Variants in SND1 observed in about 807,000 individuals in gnomAD.
SND1 encodes staphylococcal nuclease and tudor domain containing 1.
Under a neutral mutation model 121.7 loss-of-function variants are expected in SND1, and 38 were observed. The observed-to-expected ratio is 0.31, with a 90% confidence interval of 0.24 to 0.41. The LOEUF (loss-of-function observed/expected upper bound fraction) is 0.41. Among genes scored for constraint, SND1 ranks in the 10% least tolerant of loss-of-function variants. The probability of loss-of-function intolerance (pLI) is 1.00; values close to 1 mark genes in which losing one functional copy is unlikely to be tolerated. For missense variants in SND1, 868 were observed against 1,184.6 expected (o/e 0.73, Z 3.92); for synonymous variants, 401 against 447.4 (o/e 0.90, Z 1.31).
intron 11 of SND1, among the ~76,000 whole-genome samples, chr7:127,817,780 G>C (rs1798472525): frequency 8.9e-6 from 1 of 112,114 alleles, no homozygotes; most frequent in Admixed American, 1.3e-4. Flanking sequence ...CTGTATTCCT[G>C]GTTCCCCATG....
chr7:127,672,988 GGT>G (rs1252496566), intron 1 of SND1, among the ~76,000 whole-genome samples: 2 of 151,764 alleles, frequency 1.3e-5, no homozygotes, highest in African/African-American at 4.8e-5. Context: ...TGATTAAGAT[GGT>G]GTCTGTCAGG....
chr7:128,055,287 A>C (rs1584764605), intron 16 of SND1, among the ~76,000 whole-genome samples: 1 of 152,230 alleles, frequency 6.6e-6, no homozygotes, highest in East Asian at 1.9e-4. Context: ...ATGGGTTCCC[A>C]TGTTCTTGTC....
intron 12 of SND1, among the ~76,000 whole-genome samples, chr7:127,873,296 G>A (rs1020545987): frequency 3.9e-5 from 6 of 152,106 alleles, no homozygotes; most frequent in Non-Finnish European, 7.4e-5. Flanking sequence ...GTGGTGAGGT[G>A]ACAGAGTAAG....
In SND1 at chr7:128,015,200, T is replaced by G. The variant is rs1803199997; in HGVS notation, c.1779+24144T>G. On this transcript the variant is annotated intron_variant, in intron 16 of 23. Transcript: ENST00000354725. The surrounding 1 kb of genome is among the most constrained non-coding windows in gnomAD (Gnocchi z 4.5). ...CTCCCATCCCCTCTCCTGCCCTGCT[T>G]TCCCAAGATGAAGGGGCTGGGTCAG... is the stretch of plus-strand genomic sequence containing the variant. Among the ~76,000 whole-genome samples, 1 of 152,166 alleles carries G rather than the reference T, an allele frequency of 6.6e-6. No individual in the cohort carries two copies. Among genetic ancestry groups the G allele is most frequent in the Non-Finnish European group, 1.5e-5 (1 of 68,020 alleles).
At chr7:128,040,483 TAA>T (rs754875856) in intron 16 of SND1, among the ~76,000 whole-genome samples, 7 of 80,724 alleles carry the variant, frequency 8.7e-5, no homozygotes, top group Admixed American at 2.4e-4. Flanking sequence ...GTTTGACACC[TAA>T]AAAAAAAAAA....
At chr7:127,970,613 G>A (rs1372860269) in intron 15 of SND1, among the ~76,000 whole-genome samples, 1 of 152,016 alleles carries the variant, frequency 6.6e-6, no homozygotes, top group African/African-American at 2.4e-5. Context: ...ATATTTTCTA[G>A]GTCCTTTATA....
chr7:128,077,933 A>G (rs1048443962), intron 17 of SND1, among the ~76,000 whole-genome samples: 3 of 152,216 alleles, frequency 2.0e-5, no homozygotes, highest in Admixed American at 2.0e-4. Context: ...TTTCTTCTGG[A>G]GTTTTCCTTG....
chr7:127,808,990 A>G (rs1478241768), intron 11 of SND1, among the ~76,000 whole-genome samples: 2 of 152,206 alleles, frequency 1.3e-5, no homozygotes, highest in East Asian at 1.9e-4. Context: ...TGTGGCGTGT[A>G]TTATGGCATC....
In SND1 at chr7:127,926,793, G is replaced by C. The variant is rs570188506; in HGVS notation, c.1528-2395G>C. Among the ~76,000 whole-genome samples, 135 of 151,062 alleles carry C rather than the reference G, an allele frequency of 8.9e-4. No homozygotes were observed. In the East Asian group the frequency reaches 0.011, roughly 12 times the overall value. On this transcript the variant is annotated intron_variant, in intron 14 of 23. Transcript: ENST00000354725. ...CTTTTAGTAGAGACGGGGTTTCACC[G>C]TGTTAGCCAGGATACTCTCGATCTC... is the stretch of plus-strand genomic sequence containing the variant.
At chr7:128,053,919 T>C (rs1418873752) in intron 16 of SND1, among the ~76,000 whole-genome samples, 1 of 152,112 alleles carries the variant, frequency 6.6e-6, no homozygotes, top group Non-Finnish European at 1.5e-5. Flanking sequence ...CAGTCAAAGC[T>C]TTATTGCCCA....
chr7:127,819,983 G>A (rs1032708050), intron 11 of SND1, among the ~76,000 whole-genome samples: 1 of 152,082 alleles, frequency 6.6e-6, no homozygotes, highest in Non-Finnish European at 1.5e-5. Flanking sequence ...CTGTTTCTGT[G>A]CAGTGACTTT....
chr7:127,826,784 A>G (rs905109804), intron 11 of SND1, among the ~76,000 whole-genome samples: 1 of 152,210 alleles, frequency 6.6e-6, no homozygotes, highest in Non-Finnish European at 1.5e-5. Flanking sequence ...ACGTGCTTTT[A>G]TATAGATCAG....
At chr7:127,774,396 A>G (rs184601063) in intron 10 of SND1, among the ~76,000 whole-genome samples, 11 of 152,304 alleles carry the variant, frequency 7.2e-5, no homozygotes. Flanking sequence ...TTAAAAACCA[A>G]TATAGTGTAG....
rs537320665 is a variant in SND1 at position 127,759,995 on chromosome 7, C to G, written c.1152+38595C>G. 1.0e-3 allele frequency among the ~76,000 whole-genome samples: 157 copies of G among 152,320 alleles called. 1 individual carries two copies. The highest frequency in any genetic ancestry group is 3.5e-3 in the African/African-American group (145 of 41,570). ...TTCCTTCTCTCCCCAGGTGGGCAAC[C>G]TGCTCGACATACTTGGGCTCTTGTC... On this transcript the variant is annotated intron_variant, in intron 10 of 23. Transcript: ENST00000354725.
At chr7:127,997,252 A>C (rs1276489613) in intron 16 of SND1, among the ~76,000 whole-genome samples, 3 of 152,206 alleles carry the variant, frequency 2.0e-5, no homozygotes, top group African/African-American at 7.2e-5. Context: ...TTTAGAAGGC[A>C]ATAATTCTTT....
intron 1 of SND1, among the ~76,000 whole-genome samples, chr7:127,663,023 T>C (rs1795345883): frequency 6.6e-6 from 1 of 151,600 alleles, no homozygotes; most frequent in Non-Finnish European, 1.5e-5. Flanking sequence ...GCTGAGTAGC[T>C]GGGACTACAG....
chr7:127,755,491 G>A (rs1223794018), intron 10 of SND1, among the ~76,000 whole-genome samples: 1 of 152,190 alleles, frequency 6.6e-6, no homozygotes, highest in Admixed American at 6.5e-5. Flanking sequence ...GCCAAACTGA[G>A]GACTTGAAAA....
At chr7:128,076,433 T>C (rs1171049986) in intron 17 of SND1, among the ~76,000 whole-genome samples, 2 of 152,168 alleles carry the variant, frequency 1.3e-5, no homozygotes, top group African/African-American at 4.8e-5. Context: ...CCTGGGTCCC[T>C]CTCCTGCAAA....
At chr7:127,924,128 G>A (rs1800783363) in intron 14 of SND1, among the ~76,000 whole-genome samples, 1 of 152,026 alleles carries the variant, frequency 6.6e-6, no homozygotes, top group Admixed American at 6.6e-5. Context: ...AGTACAGAGA[G>A]CTTCATAGGA....
Sources: gnomAD v4.1 joint callset for allele counts (sites outside exome capture counted in the v4.1 genomes callset) on GRCh38, gnomAD v4.1.1 for gene constraint, Gnocchi (gnomAD v3.1) non-coding constraint, MANE v1.5 for transcripts, NCBI Gene and HGNC (gene_info 2026-07-23, HGNC 2026-07-21) for gene names.